KCNQ1: variants seen among roughly 807,000 people sequenced by gnomAD.
The protein encoded by KCNQ1 is potassium voltage-gated channel subfamily Q member 1.
A neutral mutation model predicts 72.4 loss-of-function variants in KCNQ1; 49 were observed. The observed-to-expected ratio is 0.68, with a 90% CI of 0.54 to 0.86. The LOEUF (loss-of-function observed/expected upper bound fraction) is 0.86, where lower values mean the gene tolerates loss of function less well. KCNQ1 is among the 40% of genes least tolerant of loss of function. The pLI, the probability that KCNQ1 is intolerant of heterozygous loss-of-function variation, is 0.00. For missense variants in KCNQ1, 790 were observed against 945.1 expected (o/e 0.84, Z 2.15); for synonymous variants, 450 against 412.6 (o/e 1.09, Z -1.10).
intron 2 of KCNQ1, among the ~76,000 whole-genome samples, chr11:2,569,467 G>A (rs769704895): frequency 1.6e-4 from 25 of 152,196 alleles, no homozygotes; most frequent in Non-Finnish European, 3.4e-4. Flanking sequence ...TGGCATGGGA[G>A]CAAGGCCAGC....
chr11:2,474,654 A>G (rs1291013893), intron 1 of KCNQ1, among the ~76,000 whole-genome samples: 1 of 61,962 alleles, frequency 1.6e-5, no homozygotes, highest in Non-Finnish European at 4.8e-5. Flanking sequence ...CTTGCGTCAG[A>G]GTGTTCCATG....
At position 2,659,067 on chromosome 11, in the gene KCNQ1, C is replaced by G. The variant is rs1393789237; in HGVS notation, c.1394-2894C>G. On this transcript the variant is annotated intron_variant, in intron 10 of 15. Transcript: ENST00000155840. This position sits in a 1 kb window ranked among gnomAD's most constrained non-coding sequence, Gnocchi z 4.3. ...TGTCATTTGTTTGTAACACGCTCAT[C>G]ATAGTCTGCTTTTCATCGTAGGGTC... 7.5e-6 allele frequency: 3 copies of G among 398,484 alleles called. No individual in the cohort carries two copies. Among genetic ancestry groups the G allele is most frequent in the Non-Finnish European group, 1.3e-5 (3 of 226,054 alleles). 24.7% of individuals were successfully genotyped at this position (398,484 alleles called of 1,614,324 possible).
intron 12 of KCNQ1, among the ~76,000 whole-genome samples, chr11:2,774,386 T>C (rs1564888552): frequency 1.3e-5 from 2 of 151,878 alleles, no homozygotes; most frequent in Non-Finnish European, 2.9e-5. Context: ...CTTCCTTCCA[T>C]GGGGCACAGC....
At chr11:2,821,605 G>A (rs114863536) in intron 15 of KCNQ1, among the ~76,000 whole-genome samples, 2 of 152,196 alleles carry the variant, frequency 1.3e-5, no homozygotes, top group Admixed American at 6.5e-5. Context: ...ATTCTGGACT[G>A]TTCACAGTGG....
At position 2,549,480 on chromosome 11, in the gene KCNQ1, C is replaced by T. The variant is rs1018075638; in HGVS notation, c.478-21148C>T. On this transcript the variant is annotated intron_variant, in intron 2 of 15. Coordinates refer to ENST00000155840, the MANE Select transcript of KCNQ1 (RefSeq NM_000218.3). The surrounding 1 kb of genome is among the most constrained non-coding windows in gnomAD (Gnocchi z 6.2). ...GATGGAACCCAGAAGACATGGGGCC[C>T]TCGAGGAGGGTCCCCCGGGGGCTGC... 6.6e-6 allele frequency among the ~76,000 whole-genome samples: 1 copy of T among 152,198 alleles called. No homozygotes were observed. Among genetic ancestry groups the T allele is most frequent in the Non-Finnish European group, 1.5e-5 (1 of 68,024 alleles).
Position 2,745,373 on chromosome 11 carries a change from A to G in KCNQ1, c.1515-23471A>G, listed in dbSNP as rs1846121204. Among the ~76,000 whole-genome samples, 1 of 152,066 alleles carries G rather than the reference A, an allele frequency of 6.6e-6. No homozygotes were observed. The highest frequency in any genetic ancestry group is 2.4e-5 in the African/African-American group (1 of 41,392). On this transcript the variant is annotated intron_variant, in intron 11 of 15. Coordinates refer to ENST00000155840, the MANE Select transcript of KCNQ1 (RefSeq NM_000218.3). The surrounding 1 kb of genome is among the most constrained non-coding windows in gnomAD (Gnocchi z 6.2). ...GGGGTCTTGCTTCCATTATTCCTGG[A>G]TGAGACCTTCTTTCCCCTGCTATTT...
In KCNQ1 at chr11:2,456,789, AT is replaced by A. The variant is rs1386187228; in HGVS notation, c.386+11307del. Among the ~76,000 whole-genome samples the A allele has an allele frequency of 2.1e-3, 257 of 123,596 alleles. 2 individuals are homozygous for A. Among genetic ancestry groups the A allele is most frequent in the Admixed American group, 5.9e-3 (66 of 11,254 alleles). The allele number at this position is 123,596 out of a possible 152,430, so 81.1% of individuals were successfully genotyped here. On this transcript the variant is annotated intron_variant, in intron 1 of 15. Coordinates refer to ENST00000155840, the MANE Select transcript of KCNQ1 (RefSeq NM_000218.3). ...CCAAAAAAAAAAAAAAAAAAAAAAAATTAGCCGGGCGTGGGGGTGGGCGCCT... is the reference window on the plus strand; with the variant it reads ...CCAAAAAAAAAAAAAAAAAAAAAAAATAGCCGGGCGTGGGGGTGGGCGCCT...
rs772214288 is a variant in KCNQ1, at chr11:2,766,703, A to G, written c.1515-2141A>G. ...AAATTCTCACCCAATTACATGTGGC[A>G]TCATGCTCAAAGTCCGACATCTTGT... On this transcript the variant is annotated intron_variant, in intron 11 of 15. Coordinates refer to ENST00000155840, the MANE Select transcript of KCNQ1 (RefSeq NM_000218.3). This position sits in a 1 kb window ranked among gnomAD's most constrained non-coding sequence, Gnocchi z 4.4. Among the ~76,000 whole-genome samples, 3 of 152,192 alleles carry G rather than the reference A, an allele frequency of 2.0e-5. No homozygotes were observed. Among genetic ancestry groups the G allele is most frequent in the Non-Finnish European group, 4.4e-5 (3 of 68,034 alleles).
chr11:2,490,467 G>T (rs1329275191), intron 1 of KCNQ1, among the ~76,000 whole-genome samples: 1 of 152,094 alleles, frequency 6.6e-6, no homozygotes, highest in African/African-American at 2.4e-5. Flanking sequence ...GCGGGCCTTG[G>T]GTGAAACCCA....
intron 15 of KCNQ1, among the ~76,000 whole-genome samples, chr11:2,845,996 T>C (rs548882784): frequency 3.0e-4 from 45 of 152,264 alleles, no homozygotes; most frequent in Admixed American, 1.5e-3. Context: ...GCAAACTGGT[T>C]GCTCCCTCTC....
At chr11:2,776,399 G>A (rs1209470395) in intron 13 of KCNQ1, among the ~76,000 whole-genome samples, 1 of 152,092 alleles carries the variant, frequency 6.6e-6, no homozygotes, top group Non-Finnish European at 1.5e-5. Flanking sequence ...AGGACACTCG[G>A]CAGCCAGCCC....
intron 1 of KCNQ1, among the ~76,000 whole-genome samples, chr11:2,476,714 TCTCA>T (rs1287215555): frequency 2.0e-5 from 3 of 149,162 alleles, no homozygotes; most frequent in East Asian, 2.0e-4. Flanking sequence ...TAAGACAGAG[TCTCA>T]CTCAATCACC....
chr11:2,706,600 A>G (rs755853345), intron 11 of KCNQ1, among the ~76,000 whole-genome samples: 2 of 152,264 alleles, frequency 1.3e-5, no homozygotes, highest in Non-Finnish European at 2.9e-5. Flanking sequence ...CAGCTGACAG[A>G]GCCACCCACT....
At chr11:2,705,248 C>G (rs1440529996) in intron 11 of KCNQ1, among the ~76,000 whole-genome samples, 1 of 152,208 alleles carries the variant, frequency 6.6e-6, no homozygotes, top group African/African-American at 2.4e-5. Context: ...TAACGTGAGG[C>G]CAGACGGGTG....
intron 1 of KCNQ1, among the ~76,000 whole-genome samples, chr11:2,527,584 C>A (rs1367121018): frequency 6.6e-6 from 1 of 152,238 alleles, no homozygotes; most frequent in East Asian, 1.9e-4. Context: ...GGGCAGCCAC[C>A]AGCCTGCTTT....
In KCNQ1 at chr11:2,620,734, G is replaced by A; in HGVS notation, c.1393+31880G>A. ...AATGGGATTGCTGGGTCAGATGGTA[G>A]TTCTGTTTTCAGTTATTTGAGAAAA... On this transcript the variant is annotated intron_variant, in intron 10 of 15. Coordinates refer to ENST00000155840, the MANE Select transcript of KCNQ1 (RefSeq NM_000218.3). This position sits in a 1 kb window ranked among gnomAD's most constrained non-coding sequence, Gnocchi z 4.5. The A allele has an allele frequency of 2.5e-6, 1 of 398,566 alleles. No homozygotes were observed. 24.7% of individuals were successfully genotyped at this position (398,566 alleles called of 1,614,324 possible). A position where few individuals can be genotyped will look rare whatever the true frequency, so the allele number is the denominator to read the frequency against.
rs757092 is a variant in KCNQ1 at position 2,477,948 on chromosome 11, G to A, written c.386+32464G>A. ...GCAGGGGCAGGGGTTCAAAGAGCTG[G>A]TGGTTGTAGTCTCAGTGTCTCCCAC... On this transcript the variant is annotated intron_variant, in intron 1 of 15. Coordinates refer to ENST00000155840, the MANE Select transcript of KCNQ1 (RefSeq NM_000218.3). This position sits in a 1 kb window ranked among gnomAD's most constrained non-coding sequence, Gnocchi z 5.0. Among the ~76,000 whole-genome samples the A allele has an allele frequency of 0.52, 78,982 of 151,952 alleles. 22,351 individuals are homozygous for A. Among genetic ancestry groups the A allele is most frequent in the Non-Finnish European group, 0.63 (43,055 of 67,936 alleles).
rs1257731000 is a variant in KCNQ1, at chr11:2,541,081, G to A, written c.477+13063G>A. ...TGTGTGCACGTTCAGGCTCAGACAC[G>A]TGCCTGCATGCACACGTGCACACGT... On this transcript the variant is annotated intron_variant, in intron 2 of 15. Transcript: ENST00000155840. The surrounding 1 kb of genome is among the most constrained non-coding windows in gnomAD (Gnocchi z 4.8). Among the ~76,000 whole-genome samples the A allele has an allele frequency of 6.6e-6, 1 of 152,220 alleles. No homozygotes were observed. The highest frequency in any genetic ancestry group is 2.4e-5 in the African/African-American group (1 of 41,456).
At position 2,682,091 on chromosome 11, in the gene KCNQ1, C is replaced by G; in HGVS notation, c.1514+20010C>G. On this transcript the variant is annotated intron_variant, in intron 11 of 15. Transcript: ENST00000155840. This position sits in a 1 kb window ranked among gnomAD's most constrained non-coding sequence, Gnocchi z 5.8. ...AGGGATTGAGTCTAGGGCCCAGGGTCACAAAGCTAGGGAGCCGTGGATCTG... is the reference window on the plus strand; with the variant it reads ...AGGGATTGAGTCTAGGGCCCAGGGTGACAAAGCTAGGGAGCCGTGGATCTG... 1 of 398,586 alleles carries G rather than the reference C, an allele frequency of 2.5e-6. No individual in the cohort carries two copies. Among genetic ancestry groups the G allele is most frequent in the Non-Finnish European group, 4.4e-6 (1 of 226,082 alleles). The allele number at this position is 398,586 out of a possible 1,614,324, so 24.7% of individuals were successfully genotyped here. A position where few individuals can be genotyped will look rare whatever the true frequency, so the allele number is the denominator to read the frequency against.
Sources: allele counts gnomAD v4.1 joint callset (sites outside exome capture counted in the v4.1 genomes callset), GRCh38; gene constraint gnomAD v4.1.1; non-coding constraint Gnocchi (gnomAD v3.1); transcripts MANE v1.5; gene names NCBI Gene and HGNC (gene_info 2026-07-23, HGNC 2026-07-21).